MYO5A: variants seen among roughly 807,000 people sequenced by gnomAD.
MYO5A encodes the protein unconventional myosin-Va.
A neutral mutation model predicts 249.7 loss-of-function variants in MYO5A; 98 were observed. The ratio of observed to expected loss-of-function variants is 0.39; its 90% CI spans 0.33 to 0.46. The LOEUF is 0.46. MYO5A is among the 20% of genes least tolerant of loss of function. The probability of loss-of-function intolerance (pLI) is 0.98; values close to 1 mark genes in which losing one functional copy is unlikely to be tolerated. For missense variants in MYO5A, 1,696 were observed against 2,308.8 expected (o/e 0.73, Z 5.44); for synonymous variants, 778 against 810.6 (o/e 0.96, Z 0.68).
At chr15:52,513,014 A>G (rs1251914602) in intron 1 of MYO5A, among the ~76,000 whole-genome samples, 1 of 145,258 alleles carries the variant, frequency 6.9e-6, no homozygotes, top group Non-Finnish European at 1.5e-5. Context: ...TCTCCACAGG[A>G]AAAAAAAAAA....
At chr15:52,459,327 T>C (rs1030709329) in intron 1 of MYO5A, among the ~76,000 whole-genome samples, 1 of 151,916 alleles carries the variant, frequency 6.6e-6, no homozygotes, top group African/African-American at 2.4e-5. Flanking sequence ...CCTTCCACAG[T>C]GTTTGTGTCC....
At chr15:52,479,168 G>A (rs1364347555) in intron 1 of MYO5A, among the ~76,000 whole-genome samples, 1 of 151,944 alleles carries the variant, frequency 6.6e-6, no homozygotes, top group African/African-American at 2.4e-5. Flanking sequence ...AGTAGAGATA[G>A]AGTTTTACCA....
chr15:52,472,889 A>G (rs1207897066), intron 1 of MYO5A, among the ~76,000 whole-genome samples: 1 of 152,200 alleles, frequency 6.6e-6, no homozygotes, highest in Non-Finnish European at 1.5e-5. Flanking sequence ...ATGACTTATA[A>G]TCCTTTGGGT....
At chr15:52,340,739 G>A (rs1596314587) in intron 31 of MYO5A, among the ~76,000 whole-genome samples, 1 of 152,078 alleles carries the variant, frequency 6.6e-6, no homozygotes, top group Non-Finnish European at 1.5e-5. Flanking sequence ...CTGAGATGAG[G>A]AGTTTAAGAC....
At chr15:52,336,347 G>C (rs1307385123) in intron 34 of MYO5A, 116 bp downstream of exon 34, 3 of 685,088 alleles carry the variant, frequency 4.4e-6, no homozygotes, top group Non-Finnish European at 7.8e-6. Flanking sequence ...GTCATATTTT[G>C]TTATTATCCC....
intron 4 of MYO5A, among the ~76,000 whole-genome samples, chr15:52,418,950 T>C (rs1231618532): frequency 6.6e-6 from 1 of 152,248 alleles, no homozygotes; most frequent in African/African-American, 2.4e-5. Flanking sequence ...TAGTTTATCA[T>C]GGTCATACCA....
intron 4 of MYO5A, among the ~76,000 whole-genome samples, chr15:52,422,631 G>A (rs927357060): frequency 6.6e-6 from 1 of 152,216 alleles, no homozygotes; most frequent in African/African-American, 2.4e-5. Flanking sequence ...TCTTTTCCAT[G>A]GATCAAGGCA....
rs138940211 is a variant in MYO5A, at chr15:52,410,323, G to T, written c.756+10C>A. The T allele has an allele frequency of 1.1e-4, 171 of 1,612,106 alleles. No individual in the cohort carries two copies. The African/African-American group carries it at 1.9e-3, about 18-fold the overall frequency. ...TAACACAAGTGCATATGTGTATATG[G>T]CCAGCTTACCTGGAATACCACTCTG... On this transcript the variant is annotated intron_variant, in intron 6 of 41. Coordinates refer to ENST00000399233, the MANE Select transcript of MYO5A (RefSeq NM_001382347.1).
At chr15:52,392,916 C>A (rs1379941470) in intron 11 of MYO5A, among the ~76,000 whole-genome samples, 1 of 152,196 alleles carries the variant, frequency 6.6e-6, no homozygotes, top group Non-Finnish European at 1.5e-5. Flanking sequence ...GAGCAAGAGT[C>A]CTCATCTAGT....
rs1460826190 is a variant in MYO5A at position 52,416,135 on chromosome 15, G to A, written c.612+10C>T. ...AATATAGGAAGAAAGCCGAAGACTC[G>A]CTGTCTTACCTCCATGATGGGGTTG... On this transcript the variant is annotated intron_variant, in intron 5 of 41. Coordinates refer to ENST00000399233, the MANE Select transcript of MYO5A (RefSeq NM_001382347.1). 5.0e-6 allele frequency: 8 copies of A among 1,613,400 alleles called. No individual in the cohort carries two copies. The African/African-American group carries it at 6.7e-5, about 13-fold the overall frequency.
In MYO5A at chr15:52,387,523, G is replaced by C. The variant is rs147427711; in HGVS notation, c.1752+306C>G. 6.1e-3 allele frequency among the ~76,000 whole-genome samples: 933 copies of C among 152,258 alleles called. 11 individuals carry two copies. The highest frequency in any genetic ancestry group is 0.021 in the African/African-American group (892 of 41,536). On this transcript the variant is annotated intron_variant, in intron 14 of 41. Transcript: ENST00000399233. ...CAAAACTGAAAGAAACATTGCACAG[G>C]AGTTAAAAGCACAGACACAGCAAGA...
rs768789977 is a variant in MYO5A at position 52,528,855 on chromosome 15, C to T, written c.-49G>A. 8.6e-5 allele frequency: 123 copies of T among 1,432,752 alleles called. 2 individuals are homozygous for T. Among genetic ancestry groups the T allele is most frequent in the South Asian group, 2.5e-4 (18 of 71,716 alleles). 88.8% of individuals were successfully genotyped at this position (1,432,752 alleles called of 1,614,324 possible). ...CCCCGCCTGTGCGGAGGCCGCACCTCGCCTGGGCGGCCGCCCGAGCGGACT... is the reference window on the plus strand; with the variant it reads ...CCCCGCCTGTGCGGAGGCCGCACCTTGCCTGGGCGGCCGCCCGAGCGGACT... On this transcript the variant is annotated 5_prime_UTR_variant, in exon 1 of 42. Coordinates refer to ENST00000399233, the MANE Select transcript of MYO5A (RefSeq NM_001382347.1).
intron 30 of MYO5A, among the ~76,000 whole-genome samples, chr15:52,344,049 C>T (rs895933185): frequency 3.3e-5 from 5 of 152,314 alleles, no homozygotes; most frequent in African/African-American, 1.2e-4. Flanking sequence ...AGAGGTTACA[C>T]AGCTGGTAAG....
At chr15:52,384,368 G>A (rs1018011427) in intron 14 of MYO5A, 46 bp from the exon 15 acceptor site, 1 of 1,574,374 alleles carries the variant, frequency 6.4e-7, no homozygotes, top group Non-Finnish European at 8.7e-7. Flanking sequence ...AACCAAACTT[G>A]AACGCAAACC....
chr15:52,491,098 A>G (rs2076927145), intron 1 of MYO5A, among the ~76,000 whole-genome samples: 1 of 152,178 alleles, frequency 6.6e-6, no homozygotes, highest in African/African-American at 2.4e-5. Context: ...AACTTACGTT[A>G]TGTGTATTTT....
chr15:52,505,981 A>T, intron 1 of MYO5A: 1 of 857,494 alleles, frequency 1.2e-6, no homozygotes, highest in East Asian at 2.7e-5. Context: ...TGGGAGGCTG[A>T]GGAGGGCAGA....
chr15:52,348,929 C>T, intron 28 of MYO5A, 103 bp from the exon 29 acceptor site: 2 of 1,235,650 alleles, frequency 1.6e-6, no homozygotes, highest in Non-Finnish European at 2.3e-6. Context: ...CAGATAAAAG[C>T]TAATTTAAAA....
chr15:52,486,771 C>G (rs545177691), intron 1 of MYO5A, among the ~76,000 whole-genome samples: 1 of 152,252 alleles, frequency 6.6e-6, no homozygotes, highest in South Asian at 2.1e-4. Context: ...AGGAGTGCGG[C>G]CAATTCTAAA....
At chr15:52,436,875 T>C (rs1267270764) in intron 1 of MYO5A, among the ~76,000 whole-genome samples, 3 of 152,228 alleles carry the variant, frequency 2.0e-5, no homozygotes, top group African/African-American at 7.2e-5. Context: ...AGTATGGAAT[T>C]AGACTATGGG....
Sources: allele counts gnomAD v4.1 joint callset (sites outside exome capture counted in the v4.1 genomes callset), GRCh38; gene constraint gnomAD v4.1.1; transcripts MANE v1.5; gene names NCBI Gene and HGNC (gene_info 2026-07-23, HGNC 2026-07-21).